Variants in COL14A1 observed in about 807,000 individuals in gnomAD.
COL14A1 encodes collagen type XIV alpha 1 chain, also known as collagen alpha-1(XIV) chain.
A neutral mutation model predicts 230.3 loss-of-function variants in COL14A1; 136 were observed. The observed-to-expected ratio is 0.59, with a 90% CI of 0.51 to 0.68. The LOEUF (loss-of-function observed/expected upper bound fraction) is 0.68, where lower values mean the gene tolerates loss of function less well. COL14A1 is among the 30% of genes least tolerant of loss of function. The pLI is 0.00. For synonymous variants in COL14A1, 792 were observed against 784.1 expected, an observed-to-expected ratio of 1.01 and a Z score of -0.17; for missense variants, 1,976 against 2,215.8, an observed-to-expected ratio of 0.89 and a Z score of 2.17.
intron 5 of COL14A1, among the ~76,000 whole-genome samples, chr8:120,196,286 C>T (rs1441490513): frequency 6.6e-6 from 1 of 152,140 alleles, no homozygotes; most frequent in African/African-American, 2.4e-5. Context: ...AGTCTCTGTA[C>T]CTTTGTTGGA....
chr8:120,278,625 G>A (rs1424563702), intron 28 of COL14A1, 47 bp downstream of exon 28: 2 of 1,550,068 alleles, frequency 1.3e-6, no homozygotes, highest in African/African-American at 1.4e-5. Flanking sequence ...TGTTAGAATT[G>A]TTATTTTCTA....
intron 8 of COL14A1, among the ~76,000 whole-genome samples, chr8:120,201,092 A>T (rs1325991344): frequency 6.6e-6 from 1 of 152,096 alleles, no homozygotes; most frequent in Non-Finnish European, 1.5e-5. Flanking sequence ...AATATTCTTG[A>T]AAGATACATG....
intron 25 of COL14A1, 45 bp from the exon 26 acceptor site, chr8:120,269,990 A>C (rs147865114): frequency 1.9e-6 from 3 of 1,604,618 alleles, no homozygotes; most frequent in African/African-American, 2.7e-5. Context: ...ATAACTACTA[A>C]CTTTTCCCCT....
At chr8:120,341,198 A>G (rs539311961) in intron 42 of COL14A1, 127 bp from the exon 43 acceptor site, 1 of 879,866 alleles carries the variant, frequency 1.1e-6, no homozygotes, top group East Asian at 2.5e-5. Context: ...GTTGTTGTGT[A>G]ATGATTTTTG....
At chr8:120,156,200 C>G (rs1309808099) in intron 2 of COL14A1, among the ~76,000 whole-genome samples, 1 of 149,068 alleles carries the variant, frequency 6.7e-6, no homozygotes, top group African/African-American at 2.5e-5. Flanking sequence ...TGGAGTCTCT[C>G]TCTGTCTCGT....
rs576455354 is a variant in COL14A1 at position 120,331,391 on chromosome 8, T to C, written c.4660-750T>C. On this transcript the variant is annotated intron_variant, in intron 40 of 47. Coordinates refer to ENST00000297848, the MANE Select transcript of COL14A1 (RefSeq NM_021110.4). ...TCAGATTGAAGATTCTCTCTTAAAT[T>C]AACTGCTTTGGAAAGGCCAGCATTC... Among the ~76,000 whole-genome samples, 272 of 152,312 alleles carry C rather than the reference T, an allele frequency of 1.8e-3. 1 individual carries two copies. Among genetic ancestry groups the C allele is most frequent in the African/African-American group, 6.2e-3 (258 of 41,550 alleles).
intron 31 of COL14A1, 123 bp from the exon 32 acceptor site, chr8:120,283,513 G>A (rs1217418190): frequency 2.1e-6 from 2 of 947,206 alleles, no homozygotes; most frequent in East Asian, 4.9e-5. Context: ...TCTAGTTGGT[G>A]TTAATGGTGG....
intron 19 of COL14A1, among the ~76,000 whole-genome samples, chr8:120,233,589 G>T (rs1818347582): frequency 5.3e-5 from 8 of 152,062 alleles, no homozygotes; most frequent in Admixed American, 4.6e-4. Flanking sequence ...CCTCCCCATT[G>T]CTTGTTTTTT....
intron 22 of COL14A1, among the ~76,000 whole-genome samples, chr8:120,251,201 T>C (rs1818936809): frequency 6.6e-6 from 1 of 152,234 alleles, no homozygotes; most frequent in Non-Finnish European, 1.5e-5. Flanking sequence ...GTGTGCTTTT[T>C]ATTTGGGGTA....
chr8:120,255,886 C>T (rs1216591208), intron 23 of COL14A1, among the ~76,000 whole-genome samples: 1 of 151,760 alleles, frequency 6.6e-6, no homozygotes, highest in African/African-American at 2.4e-5. Flanking sequence ...TTACAGTTCT[C>T]ATGTACATCC....
chr8:120,142,322 C>G (rs1308285446), intron 1 of COL14A1, among the ~76,000 whole-genome samples: 1 of 152,178 alleles, frequency 6.6e-6, no homozygotes, highest in Non-Finnish European at 1.5e-5. Flanking sequence ...TTCAAATTCT[C>G]CTGCACTCAT....
chr8:120,262,971 C>T lies in COL14A1; in HGVS notation c.2973C>T (p.Leu991=). 2 of 1,613,110 alleles carry T rather than the reference C, an allele frequency of 1.2e-6. No homozygotes were observed. The highest frequency in any genetic ancestry group is 1.7e-6 in the Non-Finnish European group (2 of 1,179,624). ...ATAAAATCAGTGTTTATACAAAGCT[C>T]CAGGAGATTGAAGGACCTAGTGTGA... is the stretch of plus-strand genomic sequence containing the variant. ...SEYKISVYTK[L]QEIEGPSVSI... The change falls in exon 24 of 48, where the codon CTC becomes CTT. Residue 991 remains leucine (L), a synonymous_variant. Transcript: ENST00000297848.
chr8:120,194,748 T>G (rs1188275500), intron 5 of COL14A1, among the ~76,000 whole-genome samples: 1 of 152,146 alleles, frequency 6.6e-6, no homozygotes, highest in Non-Finnish European at 1.5e-5. Flanking sequence ...TGAAATAATA[T>G]CCCCAGTAGT....
chr8:120,291,639 T>C (rs1161429214), intron 34 of COL14A1, among the ~76,000 whole-genome samples: 1 of 148,712 alleles, frequency 6.7e-6, no homozygotes, highest in Admixed American at 6.7e-5. Flanking sequence ...TGGGCCCAGA[T>C]CACATAATAC....
In COL14A1 at chr8:120,206,955, C is replaced by A; in HGVS notation, c.1052C>A (p.Ala351Asp). The change falls in exon 10 of 48, where the codon GCC (alanine) becomes GAC (aspartate). Residue 351 changes from alanine to aspartate, a missense_variant. Ala to Asp is a moderately radical substitution (Grantham distance 126). Around this residue, in one of 3 missense-constraint regions of COL14A1, gnomAD observed 1,791 missense variants for 2,019.5 expected, o/e 0.89. Coordinates refer to ENST00000297848, the MANE Select transcript of COL14A1 (RefSeq NM_021110.4). The part of the protein sequence containing the change: ...QDREIKASAH[A>D]ITGPPTELIT... The stretch of plus-strand genomic sequence containing the variant: ...TTTTTTAATTTAGCCTCAGCCCATG[C>A]CATCACTGGGCCGCCTACGGAGTTG... 6.2e-7 allele frequency: 1 copy of A among 1,609,172 alleles called. No individual in the cohort carries two copies. The highest frequency in any genetic ancestry group is 8.5e-7 in the Non-Finnish European group (1 of 1,178,594).
intron 32 of COL14A1, among the ~76,000 whole-genome samples, chr8:120,285,502 G>C (rs576290518): frequency 2.0e-5 from 3 of 150,236 alleles, no homozygotes; most frequent in African/African-American, 7.3e-5. Context: ...CAAAGGGCCT[G>C]GTTTCTATTC....
chr8:120,222,858 A>G (rs1817973066), intron 14 of COL14A1, among the ~76,000 whole-genome samples: 1 of 152,244 alleles, frequency 6.6e-6, no homozygotes, highest in African/African-American at 2.4e-5. Flanking sequence ...GGAGATAGAC[A>G]ATAAACATGT....
intron 17 of COL14A1, 33 bp from the exon 18 acceptor site, chr8:120,228,677 T>C (rs1818166960): frequency 6.4e-7 from 1 of 1,567,524 alleles, no homozygotes; most frequent in African/African-American, 1.4e-5. Flanking sequence ...ACAGTTGTTT[T>C]TGCAGCATTT....
At chr8:120,300,694 G>A in intron 35 of COL14A1, 38 bp from the exon 36 acceptor site, 1 of 1,485,196 alleles carries the variant, frequency 6.7e-7, no homozygotes. Context: ...TGTATAAACT[G>A]GCATGCTAAT....
Sources: allele counts gnomAD v4.1 joint callset (sites outside exome capture counted in the v4.1 genomes callset), GRCh38; gene constraint gnomAD v4.1.1; regional missense constraint gnomAD v4.1.1; transcripts MANE v1.5; gene names NCBI Gene and HGNC (gene_info 2026-07-23, HGNC 2026-07-21).